The following PKD1L3 variants were observed in gnomAD, a reference collection of about 807,000 sequenced individuals.
PKD1L3 encodes the protein polycystin 1 like 3, transient receptor potential channel interacting.
PKD1L3 carries 239 observed loss-of-function variants against 184.1 expected under a neutral mutation model. The observed-to-expected ratio is 1.30, with a 90% CI of 1.17 to 1.45. PKD1L3 has a LOEUF of 1.45. Ranked by LOEUF, PKD1L3 falls within the 40% of genes most tolerant of loss-of-function variation. PKD1L3 has a pLI of 0.00. For synonymous variants in PKD1L3, 996 were observed against 778.8 expected (o/e 1.28, Z -4.64); for missense variants, 2,660 against 2,067.2 (o/e 1.29, Z -5.56).
Position 71,929,670 on chromosome 16 carries a change from A to G in PKD1L3, c.5067T>C (p.Ala1689=). ...GKERKSLKKE[A]ALIDTLLQKL... Reference sequence around the variant, plus strand: ...TCTGTAGCAGTGTATCTATTAGTGCAGCTTCTTTCTGAGTATTGAAGACAA... The same window carrying G: ...TCTGTAGCAGTGTATCTATTAGTGCGGCTTCTTTCTGAGTATTGAAGACAA... Residue 1689 remains alanine (A), a synonymous_variant, in exon 30 of 30, where the codon GCT becomes GCC. Transcript: ENST00000620267. 6.5e-7 allele frequency: 1 copy of G among 1,545,432 alleles called. No homozygotes were observed. Among genetic ancestry groups the G allele is most frequent in the Non-Finnish European group, 8.7e-7 (1 of 1,145,002 alleles).
intron 13 of PKD1L3, among the ~76,000 whole-genome samples, chr16:71,968,454 G>A (rs572446646): frequency 2.0e-5 from 3 of 152,194 alleles, no homozygotes; most frequent in African/African-American, 7.2e-5. Context: ...CCTACACCCA[G>A]GGCAACAAGA....
At position 71,942,927 on chromosome 16, in the gene PKD1L3, C is replaced by T. The variant is rs769813904; in HGVS notation, c.3957G>A (p.Ser1319=). The T allele has an allele frequency of 2.6e-6, 4 of 1,551,372 alleles. No homozygotes were observed. The highest frequency in any genetic ancestry group is 1.2e-5 in the South Asian group (1 of 84,050). The change falls in exon 24 of 30, where the codon TCG becomes TCA. Residue 1319 remains serine (S), a synonymous_variant. Coordinates refer to ENST00000620267, the MANE Select transcript of PKD1L3 (RefSeq NM_181536.2). ...GAAGTTTGATTTCCGAGAACTGGTG[C>T]GAAAATGTCTTCCAGATAGCTTGGT... The part of the protein sequence containing the change: ...YLHQAIWKTF[S]HQFSEIKLLQ...
intron 16 of PKD1L3, among the ~76,000 whole-genome samples, chr16:71,957,771 G>A (rs2143464336): frequency 6.6e-6 from 1 of 152,288 alleles, no homozygotes; most frequent in Non-Finnish European, 1.5e-5. Flanking sequence ...AAAGATGGAA[G>A]AAGGTATTCC....
At chr16:71,936,069 T>G (rs2038164239) in intron 25 of PKD1L3, among the ~76,000 whole-genome samples, 1 of 152,010 alleles carries the variant, frequency 6.6e-6, no homozygotes, top group African/African-American at 2.4e-5. Flanking sequence ...GTGCTGGGAT[T>G]ACAGGCGTGA....
rs1329979472 is a variant in PKD1L3, at chr16:71,982,187, T to C, written c.1015A>G (p.Ile339Val). The C allele has an allele frequency of 1.3e-6, 2 of 1,550,120 alleles. No individual in the cohort carries two copies. The highest frequency in any genetic ancestry group is 2.4e-5 in the South Asian group (2 of 83,928). ...LIYLSEELLR[I>V]PFQNNNSLGF... ...AGACTGTTGTTGTTCTGAAATGGGA[T>C]CCTGAGTAACTCCTCACTCAGGTAA... The change falls in exon 7 of 30, where the codon ATC becomes GTC. Residue 339 changes from isoleucine to valine, a missense_variant. Physicochemically the swap from Ile to Val is conservative, Grantham distance 29. Coordinates refer to ENST00000620267, the MANE Select transcript of PKD1L3 (RefSeq NM_181536.2).
At chr16:71,965,396 T>C (rs2039463258) in intron 15 of PKD1L3, among the ~76,000 whole-genome samples, 1 of 152,162 alleles carries the variant, frequency 6.6e-6, no homozygotes, top group South Asian at 2.1e-4. Flanking sequence ...GGTAAATACC[T>C]ATGAGTGTGA....
chr16:71,966,901 A>T (rs576250813), intron 15 of PKD1L3, among the ~76,000 whole-genome samples: 38 of 152,200 alleles, frequency 2.5e-4, no homozygotes, highest in Non-Finnish European at 5.3e-4. Context: ...TTTAATGAAA[A>T]TGAGATTAGA....
chr16:71,982,278 CTT>C (rs35324670), intron 6 of PKD1L3, 43 bp from the exon 7 acceptor site: 35,759 of 422,462 alleles, frequency 0.085, no homozygotes, highest in Middle Eastern at 0.099. Flanking sequence ...GAATTGTTTG[CTT>C]TTTTTTTTTT....
chr16:71,996,069 A>C (rs533400227), intron 2 of PKD1L3, among the ~76,000 whole-genome samples: 1 of 152,200 alleles, frequency 6.6e-6, no homozygotes, highest in East Asian at 1.9e-4. Context: ...AATGTAACTT[A>C]TTATTTTGAG....
chr16:71,947,920 CTT>C (rs545301438), intron 21 of PKD1L3, among the ~76,000 whole-genome samples: 5 of 143,820 alleles, frequency 3.5e-5, no homozygotes, highest in African/African-American at 5.1e-5. Flanking sequence ...GATCCAGACT[CTT>C]TTTTTTTTTT....
chr16:71,935,742 T>A (rs571900217), intron 25 of PKD1L3, among the ~76,000 whole-genome samples: 1 of 152,334 alleles, frequency 6.6e-6, no homozygotes, highest in African/African-American at 2.4e-5. Flanking sequence ...TTGGATACAT[T>A]TATTCTTTTT....
intron 28 of PKD1L3, 196 bp from the exon 29 acceptor site, chr16:71,930,379 G>C (rs2037900341): frequency 2.2e-6 from 1 of 451,248 alleles, no homozygotes; most frequent in Non-Finnish European, 3.7e-6. Context: ...ATTTTAAGGA[G>C]GTTAAGATAA....
At chr16:71,969,836 A>C in intron 13 of PKD1L3, 39 bp downstream of exon 13, 9 of 1,506,718 alleles carry the variant, frequency 6.0e-6, no homozygotes, top group Non-Finnish European at 8.1e-6. Flanking sequence ...AATTACTCAA[A>C]ACATCATGGC....
chr16:71,937,214 C>A (rs1597280647), intron 25 of PKD1L3, 78 bp downstream of exon 25: 1 of 1,428,968 alleles, frequency 7.0e-7, no homozygotes, highest in Non-Finnish European at 9.4e-7. Context: ...TGCCACCACA[C>A]CTGGGTAATT....
intron 21 of PKD1L3, among the ~76,000 whole-genome samples, chr16:71,947,907 A>G (rs4788582): frequency 0.72 from 109,203 of 150,754 alleles, 40,204 homozygotes; most frequent in East Asian, 0.98. Flanking sequence ...AACCTCTGAT[A>G]AAGATCCAGA....
chr16:71,952,168 C>A (rs1374872271), intron 18 of PKD1L3, among the ~76,000 whole-genome samples: 1 of 149,018 alleles, frequency 6.7e-6, no homozygotes, highest in Admixed American at 6.7e-5. Context: ...CTGCTCTCTT[C>A]CACTGCGTGG....
chr16:71,967,103 C>T, intron 15 of PKD1L3, 34 bp downstream of exon 15: 2 of 1,530,742 alleles, frequency 1.3e-6, no homozygotes, highest in Non-Finnish European at 1.8e-6. Context: ...ATCCACAAAG[C>T]AGCAGCAACA....
At chr16:71,929,829 C>T in intron 29 of PKD1L3, 151 bp from the exon 30 acceptor site, 1 of 962,104 alleles carries the variant, frequency 1.0e-6, no homozygotes, top group Non-Finnish European at 1.5e-6. Flanking sequence ...AGTGTTTCCA[C>T]TAATGGTTGC....
At chr16:71,961,328 G>A (rs1012099052) in intron 16 of PKD1L3, among the ~76,000 whole-genome samples, 6 of 152,028 alleles carry the variant, frequency 3.9e-5, no homozygotes, top group Admixed American at 3.3e-4. Flanking sequence ...TTACCATGTT[G>A]GCCAGGCTGG....
Sources: gnomAD v4.1 joint callset for allele counts (sites outside exome capture counted in the v4.1 genomes callset) on GRCh38, gnomAD v4.1.1 for gene constraint, MANE v1.5 for transcripts, NCBI Gene and HGNC (gene_info 2026-07-23, HGNC 2026-07-21) for gene names.